The following LIPE variants were observed in gnomAD, a reference collection of about 807,000 sequenced individuals.
LIPE encodes the protein hormone-sensitive lipase.
LIPE carries 66 observed loss-of-function variants against 88.5 expected under a neutral mutation model. The observed-to-expected ratio is 0.75, with a 90% confidence interval of 0.61 to 0.91. The LOEUF is 0.91. Ranked by LOEUF, LIPE falls within the 40% of genes least tolerant of loss-of-function variation. LIPE has a pLI of 0.00. For missense variants in LIPE, 1,346 were observed against 1,434.7 expected, an observed-to-expected ratio of 0.94 and a Z score of 1.00; for synonymous variants, 570 against 617.5, an observed-to-expected ratio of 0.92 and a Z score of 1.14.
At chr19:42,425,539 C>T (rs528743078) in intron 1 of LIPE, among the ~76,000 whole-genome samples, 5 of 152,204 alleles carry the variant, frequency 3.3e-5, no homozygotes, top group Admixed American at 1.3e-4. Context: ...GCCAGGTGCT[C>T]GGTGGCTCAT....
In LIPE at chr19:42,407,631, A is replaced by G. The variant is rs1249312202; in HGVS notation, c.1817T>C (p.Ile606Thr). 2 of 1,611,064 alleles carry G rather than the reference A, an allele frequency of 1.2e-6. No homozygotes were observed. Among genetic ancestry groups the G allele is most frequent in the Non-Finnish European group, 1.7e-6 (2 of 1,178,498 alleles). ...CTGTCCTTCACGCAGGTCATAGGAGATGAGCCTGACGAGGACGGGCCCAGG... is the reference window on the plus strand; with the variant it reads ...CTGTCCTTCACGCAGGTCATAGGAGGTGAGCCTGACGAGGACGGGCCCAGG... ...TGPGPVLVRL[I>T]SYDLREGQDS... Residue 606 changes from isoleucine (I) to threonine (T), a missense_variant, in exon 5 of 10, where the codon ATC becomes ACC. Coordinates refer to ENST00000244289, the MANE Select transcript of LIPE (RefSeq NM_005357.4). This position sits in a 1 kb window ranked among gnomAD's most constrained non-coding sequence, Gnocchi z 5.8.
At position 42,407,051 on chromosome 19, in the gene LIPE, G is replaced by T; in HGVS notation, c.2137+123C>A. 2.3e-6 allele frequency: 2 copies of T among 852,314 alleles called. No homozygotes were observed. Among genetic ancestry groups the T allele is most frequent in the Non-Finnish European group, 3.5e-6 (2 of 568,892 alleles). 52.8% of individuals were successfully genotyped at this position (852,314 alleles called of 1,614,324 possible). On this transcript the variant is annotated intron_variant, in intron 6 of 9. Transcript: ENST00000244289. The surrounding 1 kb of genome is among the most constrained non-coding windows in gnomAD (Gnocchi z 5.8). ...GGAAGATTGGGCAGGACCTGGGTGA[G>T]CAGGAGCTGGGAGGTGTGGGGGGAG... is the stretch of plus-strand genomic sequence containing the variant.
rs781368324 is a variant in LIPE at position 42,406,114 on chromosome 19, C to CA, written c.2365+46dup. On this transcript the variant is annotated intron_variant, in intron 7 of 9. Coordinates refer to ENST00000244289, the MANE Select transcript of LIPE (RefSeq NM_005357.4). This position sits in a 1 kb window ranked among gnomAD's most constrained non-coding sequence, Gnocchi z 5.7. Reference sequence around the variant, plus strand: ...GTCCCCAGCCCGTCCCTGCAGGAGTCAGACATCCATGCAGTCCTGTTTCCC... The same window carrying CA: ...GTCCCCAGCCCGTCCCTGCAGGAGTCAAGACATCCATGCAGTCCTGTTTCCC... 3 of 1,517,296 alleles carry CA rather than the reference C, an allele frequency of 2.0e-6. No homozygotes were observed. The highest frequency in any genetic ancestry group is 2.7e-6 in the Non-Finnish European group (3 of 1,105,634). 94.0% of individuals were successfully genotyped at this position (1,517,296 alleles called of 1,614,324 possible).
At chr19:42,403,366 C>T (rs1301997909) in intron 8 of LIPE, among the ~76,000 whole-genome samples, 3 of 149,408 alleles carry the variant, frequency 2.0e-5, no homozygotes, top group East Asian at 4.0e-4. Context: ...GAAAATAGTC[C>T]TTGGTTCATA....
Position 42,401,576 on chromosome 19 carries a change from C to T in LIPE, c.*236G>A, listed in dbSNP as rs981483358. 2 of 503,392 alleles carry T rather than the reference C, an allele frequency of 4.0e-6. No homozygotes were observed. Among genetic ancestry groups the T allele is most frequent in the Non-Finnish European group, 7.0e-6 (2 of 287,636 alleles). The allele number at this position is 503,392 out of a possible 1,614,324, so 31.2% of individuals were successfully genotyped here. On this transcript the variant is annotated 3_prime_UTR_variant, in exon 10 of 10. Coordinates refer to ENST00000244289, the MANE Select transcript of LIPE (RefSeq NM_005357.4). ...CTGCAAGGGAGGGCCAGTCCCCGTC[C>T]CTGCGGCGGTCGCCGCAGCAGCAGC...
At chr19:42,413,611 AGCCAAGATCGT>A (rs960623637) in intron 1 of LIPE, among the ~76,000 whole-genome samples, 2 of 152,226 alleles carry the variant, frequency 1.3e-5, no homozygotes, top group Non-Finnish European at 2.9e-5. Flanking sequence ...GCTTGCACTG[AGCCAAGATCGT>A]GCCACTGCAC....
At chr19:42,411,801 A>C (rs2040383228) in intron 1 of LIPE, among the ~76,000 whole-genome samples, 1 of 152,152 alleles carries the variant, frequency 6.6e-6, no homozygotes, top group Non-Finnish European at 1.5e-5. Context: ...GATACTCATC[A>C]CTGGTGTCGA....
chr19:42,411,560 C>T (rs993608254), intron 1 of LIPE, among the ~76,000 whole-genome samples: 3 of 152,174 alleles, frequency 2.0e-5, no homozygotes, highest in Admixed American at 6.5e-5. Flanking sequence ...GGTCCCCAAG[C>T]GCAGCTCTCC....
At chr19:42,404,148 T>A (rs1263540734) in intron 8 of LIPE, among the ~76,000 whole-genome samples, 1 of 150,570 alleles carries the variant, frequency 6.6e-6, no homozygotes, top group Non-Finnish European at 1.5e-5. Flanking sequence ...CACTGTAACC[T>A]CTGCCTCCCG....
chr19:42,406,418 A>G lies in LIPE; in HGVS notation c.2138-30T>C, dbSNP rs760988699. On this transcript the variant is annotated intron_variant, in intron 6 of 9. Transcript: ENST00000244289. This position sits in a 1 kb window ranked among gnomAD's most constrained non-coding sequence, Gnocchi z 5.7. Reference sequence around the variant, plus strand: ...TTTGGGAGAGGGGTGGTTGGTGACAACCTGGCAGGGGCAGAGGCCTGGGGA... The same window carrying G: ...TTTGGGAGAGGGGTGGTTGGTGACAGCCTGGCAGGGGCAGAGGCCTGGGGA... 1.9e-6 allele frequency: 3 copies of G among 1,591,704 alleles called. No individual in the cohort carries two copies. The highest frequency in any genetic ancestry group is 3.3e-4 in the Middle Eastern group (2 of 6,022).
chr19:42,413,483 G>A (rs759024213), intron 1 of LIPE, among the ~76,000 whole-genome samples: 2 of 152,156 alleles, frequency 1.3e-5, no homozygotes, highest in Non-Finnish European at 1.5e-5. Context: ...GGCTAACACG[G>A]TGAAACCCCG....
Position 42,402,053 on chromosome 19 carries a change from A to T in LIPE, c.2990T>A (p.Leu997Gln). Residue 997 changes from leucine to glutamine, a missense_variant, in exon 10 of 10, where the codon CTG becomes CAG. By Grantham distance (113) the Leu-to-Gln change is moderately radical. Coordinates refer to ENST00000244289, the MANE Select transcript of LIPE (RefSeq NM_005357.4). ...CCGCGCGAGCATGACCGAGTCGTCC[A>T]GCATGGGGTCCAGCGCGCACGCCTA... ...HIVACALDPM[L>Q]DDSVMLARRL... 4 of 1,512,776 alleles carry T rather than the reference A, an allele frequency of 2.6e-6. No individual in the cohort carries two copies. The South Asian group carries it at 5.1e-5, about 19-fold the overall frequency. The allele number at this position is 1,512,776 out of a possible 1,614,324, so 93.7% of individuals were successfully genotyped here.
At chr19:42,421,797 G>A (rs897284737) in intron 1 of LIPE, among the ~76,000 whole-genome samples, 1 of 152,240 alleles carries the variant, frequency 6.6e-6, no homozygotes, top group Non-Finnish European at 1.5e-5. Flanking sequence ...TGATGACGAG[G>A]ATTGCTCCAG....
At chr19:42,420,507 T>C (rs757697255) in intron 1 of LIPE, among the ~76,000 whole-genome samples, 6 of 152,128 alleles carry the variant, frequency 3.9e-5, no homozygotes, top group East Asian at 1.9e-4. Context: ...TGTCTTGGTC[T>C]CTGTGTGTGT....
In LIPE at chr19:42,402,666, T is replaced by C; in HGVS notation, c.2908A>G (p.Met970Val). ...YSSPIVKNPF[M>V]SPLLAPDSML... The stretch of plus-strand genomic sequence containing the variant: ...CTGTCGGGTGCCAGCAGCGGCGACA[T>C]GAAGGGGTTCTTGACTATGGGTGAG... Residue 970 changes from methionine to valine, a missense_variant, in exon 9 of 10, where the codon ATG (methionine) becomes GTG (valine). Coordinates refer to ENST00000244289, the MANE Select transcript of LIPE (RefSeq NM_005357.4). 1 of 1,501,502 alleles carries C rather than the reference T, an allele frequency of 6.7e-7. No individual in the cohort carries two copies. Among genetic ancestry groups the C allele is most frequent in the Non-Finnish European group, 8.9e-7 (1 of 1,123,268 alleles). The allele number at this position is 1,501,502 out of a possible 1,614,324, so 93.0% of individuals were successfully genotyped here. A position where few individuals can be genotyped will look rare whatever the true frequency, so the allele number is the denominator to read the frequency against.
chr19:42,403,829 G>A (rs547569487), intron 8 of LIPE, among the ~76,000 whole-genome samples: 4 of 152,218 alleles, frequency 2.6e-5, no homozygotes, highest in African/African-American at 7.2e-5. Context: ...AAGTCTCCAG[G>A]GTGTATCACA....
At position 42,410,924 on chromosome 19, in the gene LIPE, T is replaced by TACC. The variant is rs974196153; in HGVS notation, c.884-85_884-83dup. On this transcript the variant is annotated intron_variant, in intron 1 of 9. Coordinates refer to ENST00000244289, the MANE Select transcript of LIPE (RefSeq NM_005357.4). The surrounding 1 kb of genome is among the most constrained non-coding windows in gnomAD (Gnocchi z 6.1). ...GGGCCCAGGAGTCTGGGCCATAGCT[T>TACC]ACCCACTCCTCCTTCAAACCTCAGT... The TACC allele has an allele frequency of 7.6e-7, 1 of 1,323,984 alleles. No individual in the cohort carries two copies. Among genetic ancestry groups the TACC allele is most frequent in the Admixed American group, 2.3e-5 (1 of 43,548 alleles). 82.0% of individuals were successfully genotyped at this position (1,323,984 alleles called of 1,614,324 possible). A position where few individuals can be genotyped will look rare whatever the true frequency, so the allele number is the denominator to read the frequency against.
At position 42,407,970 on chromosome 19, in the gene LIPE, C is replaced by G. The variant is rs767159122; in HGVS notation, c.1656+6G>C. 2 of 1,611,568 alleles carry G rather than the reference C, an allele frequency of 1.2e-6. No individual in the cohort carries two copies. Among genetic ancestry groups the G allele is most frequent in the Admixed American group, 3.3e-5 (2 of 59,752 alleles). The stretch of plus-strand genomic sequence containing the variant: ...CTCAGTGTCCCCATCTGCAACAGGC[C>G]CTCACCGATAGCACTTCCATCTCGG... On this transcript the variant is annotated splice_donor_region_variant and intron_variant, in intron 4 of 9. Transcript: ENST00000244289. This position sits in a 1 kb window ranked among gnomAD's most constrained non-coding sequence, Gnocchi z 5.8.
At chr19:42,405,961 GTCTCTC>G (rs137919065) in intron 7 of LIPE, 194 bp downstream of exon 7, 2 of 491,226 alleles carry the variant, frequency 4.1e-6, no homozygotes, top group Non-Finnish European at 7.2e-6. Flanking sequence ...GTGTCTGTCT[GTCTCTC>G]TCTCTCTCTC....
Sources: allele counts gnomAD v4.1 joint callset (sites outside exome capture counted in the v4.1 genomes callset), GRCh38; gene constraint gnomAD v4.1.1; non-coding constraint Gnocchi (gnomAD v3.1); transcripts MANE v1.5; gene names NCBI Gene and HGNC (gene_info 2026-07-23, HGNC 2026-07-21).